PDCD4: variants seen among roughly 807,000 people sequenced by gnomAD.
The protein encoded by PDCD4 is programmed cell death protein 4.
A neutral mutation model predicts 54.0 loss-of-function variants in PDCD4; 56 were observed. The observed-to-expected ratio is 1.04, with a 90% confidence interval of 0.84 to 1.30. The LOEUF is 1.30. Among genes scored for constraint, PDCD4 ranks in the 50% most tolerant of loss-of-function variants. PDCD4 has a pLI of 0.00. For missense variants in PDCD4, 584 were observed against 559.8 expected (o/e 1.04, Z -0.44); for synonymous variants, 186 against 194.8 (o/e 0.95, Z 0.37).
chr10:110,896,761 A>G (rs1590739508), intron 11 of PDCD4, among the ~76,000 whole-genome samples: 1 of 152,196 alleles, frequency 6.6e-6, no homozygotes, highest in South Asian at 2.1e-4. Context: ...TCAGTTTTAT[A>G]TAATCTTAAG....
chr10:110,873,461 G>A (rs941616659), intron 1 of PDCD4, among the ~76,000 whole-genome samples: 1 of 152,198 alleles, frequency 6.6e-6, no homozygotes, highest in Non-Finnish European at 1.5e-5. Context: ...TGGGGGAGTG[G>A]AGGGTCTGTC....
At chr10:110,881,818 A>C (rs1845597542) in intron 3 of PDCD4, among the ~76,000 whole-genome samples, 1 of 152,150 alleles carries the variant, frequency 6.6e-6, no homozygotes, top group South Asian at 2.1e-4. Flanking sequence ...CACTGTTACG[A>C]GTTTTACGTA....
chr10:110,873,879 T>C (rs1286070924), intron 1 of PDCD4, among the ~76,000 whole-genome samples: 2 of 152,208 alleles, frequency 1.3e-5, no homozygotes, highest in African/African-American at 4.8e-5. Flanking sequence ...GAGATGATAG[T>C]CATTTCCTGA....
chr10:110,890,803 A>G (rs547571731), intron 8 of PDCD4, 133 bp downstream of exon 8: 6 of 457,824 alleles, frequency 1.3e-5, no homozygotes, highest in South Asian at 6.4e-5. Context: ...AAATGAAATA[A>G]TTTTTTTAAT....
At chr10:110,897,922 A>G (rs531907484) in intron 11 of PDCD4, 106 bp from the exon 12 acceptor site, 18 of 647,034 alleles carry the variant, frequency 2.8e-5, no homozygotes, top group African/African-American at 2.4e-4. Flanking sequence ...AAAACCCTTT[A>G]AAAGCTAACA....
Position 110,881,243 on chromosome 10 carries a change from C to T in PDCD4, c.54C>T (p.Asn18=). 1 of 1,611,078 alleles carries T rather than the reference C, an allele frequency of 6.2e-7. No homozygotes were observed. ...ATTTTTCTCTTTAAGATCCTGATAA[C>T]TTAAGTGACTCTCTCTTTTCCGGTG... ...ILNVNPADPD[N]LSDSLFSGDE... The change falls in exon 3 of 12, where the codon AAC becomes AAT. Residue 18 remains asparagine, a synonymous_variant. Coordinates refer to ENST00000280154, the MANE Select transcript of PDCD4 (RefSeq NM_014456.5).
intron 8 of PDCD4, among the ~76,000 whole-genome samples, chr10:110,892,675 C>A (rs1387916542): frequency 6.6e-6 from 1 of 152,120 alleles, no homozygotes; most frequent in Non-Finnish European, 1.5e-5. Flanking sequence ...TGAAAAATTC[C>A]TATCGTTGAG....
chr10:110,884,695 G>A (rs1845642196), intron 4 of PDCD4: 1 of 151,976 alleles, frequency 6.6e-6, no homozygotes, highest in Non-Finnish European at 1.5e-5. Context: ...TGGGGGTTGG[G>A]AGCAAATTAT....
At chr10:110,897,597 A>AT (rs900983553) in intron 11 of PDCD4, among the ~76,000 whole-genome samples, 11 of 151,562 alleles carry the variant, frequency 7.3e-5, no homozygotes, top group Admixed American at 1.3e-4. Context: ...TTGATAAAAC[A>AT]TTTTTTTTTA....
chr10:110,899,491 G>A lies in PDCD4; in HGVS notation c.*1403G>A, dbSNP rs1290877178. 1.3e-5 allele frequency: 2 copies of A among 152,110 alleles called. No individual in the cohort carries two copies. The highest frequency in any genetic ancestry group is 4.8e-5 in the African/African-American group (2 of 41,420). The allele number at this position is 152,110 out of a possible 1,614,324, so 9.4% of individuals were successfully genotyped here. ...GCTTAGCTGACTACAGAATAGGTGA[G>A]GGTTTCTTAAAAATGAGATTTAAGG... is the stretch of plus-strand genomic sequence containing the variant. On this transcript the variant is annotated 3_prime_UTR_variant, in exon 12 of 12. Transcript: ENST00000280154.
intron 11 of PDCD4, among the ~76,000 whole-genome samples, chr10:110,897,500 T>C (rs549621772): frequency 6.6e-6 from 1 of 152,360 alleles, no homozygotes; most frequent in South Asian, 2.1e-4. Context: ...GCAGGGCTTC[T>C]TGAGTTTGAC....
chr10:110,885,918 T>C (rs922678999), intron 5 of PDCD4, among the ~76,000 whole-genome samples: 9 of 152,160 alleles, frequency 5.9e-5, no homozygotes, highest in African/African-American at 2.2e-4. Context: ...AATAAAACCA[T>C]TGGTCTAGTT....
In PDCD4 at chr10:110,887,761, A is replaced by T. The variant is rs756620076; in HGVS notation, c.652A>T (p.Met218Leu). Residue 218 changes from methionine to leucine, a missense_variant, in exon 6 of 12, where the codon ATG becomes TTG. Met to Leu is a conservative substitution (Grantham distance 15). Transcript: ENST00000280154. ...GGAGGGGAAGGCTAGTCATAGAGAGATGACATCTAAGCTTCTTTCTGACCT... is the reference window on the plus strand; with the variant it reads ...GGAGGGGAAGGCTAGTCATAGAGAGTTGACATCTAAGCTTCTTTCTGACCT... ...ALEGKASHREMTSKLLSDLCG... is the reference protein window; with the variant it reads ...ALEGKASHRELTSKLLSDLCG... 12 of 1,613,118 alleles carry T rather than the reference A, an allele frequency of 7.4e-6. No homozygotes were observed. Among genetic ancestry groups the T allele is most frequent in the Non-Finnish European group, 1.0e-5 (12 of 1,179,242 alleles).
intron 2 of PDCD4, 65 bp from the exon 3 acceptor site, chr10:110,881,168 C>G (rs988213232): frequency 8.4e-6 from 10 of 1,194,606 alleles, no homozygotes; most frequent in Admixed American, 6.2e-5. Flanking sequence ...TAACTTACCA[C>G]TATATCTATA....
intron 1 of PDCD4, among the ~76,000 whole-genome samples, chr10:110,874,512 C>G (rs898101528): frequency 6.6e-6 from 1 of 152,118 alleles, no homozygotes; most frequent in African/African-American, 2.4e-5. Flanking sequence ...TGAATCTCTA[C>G]ATATTTTTAA....
intron 5 of PDCD4, 46 bp downstream of exon 5, chr10:110,885,412 G>GCTT: frequency 3.6e-6 from 3 of 836,376 alleles, no homozygotes; most frequent in Non-Finnish European, 5.8e-6. Flanking sequence ...TAGGAGAGAA[G>GCTT]ACATCTTTTA....
chr10:110,885,772 A>G (rs1383640157), intron 5 of PDCD4, among the ~76,000 whole-genome samples: 1 of 151,968 alleles, frequency 6.6e-6, no homozygotes, highest in Non-Finnish European at 1.5e-5. Context: ...CATTTATTTC[A>G]CGTATGTTCA....
chr10:110,881,195 A>C (rs760786272), intron 2 of PDCD4, 38 bp from the exon 3 acceptor site: 4 of 1,501,666 alleles, frequency 2.7e-6, no homozygotes, highest in Admixed American at 3.7e-5. Context: ...TAGATACTTA[A>C]AATACTTAGA....
Position 110,894,439 on chromosome 10 carries a change from G to A in PDCD4, c.1126G>A (p.Gly376Arg). Reference sequence around the variant, plus strand: ...TATTATAATGGTTTTAGAGTCAACTGGAGAAAGTACATTTAAGATGATTTT... The same window carrying A: ...TATTATAATGGTTTTAGAGTCAACTAGAGAAAGTACATTTAAGATGATTTT... ...EAIIMVLEST[G>R]ESTFKMILDL... Residue 376 changes from glycine (G) to arginine (R), a missense_variant, in exon 10 of 12, where the codon GGA (glycine) becomes AGA (arginine). Gly to Arg is a moderately radical substitution (Grantham distance 125). Coordinates refer to ENST00000280154, the MANE Select transcript of PDCD4 (RefSeq NM_014456.5). 6.4e-7 allele frequency: 1 copy of A among 1,570,250 alleles called. No homozygotes were observed. The highest frequency in any genetic ancestry group is 1.1e-5 in the South Asian group (1 of 89,992).
Sources: gnomAD v4.1 joint callset for allele counts (sites outside exome capture counted in the v4.1 genomes callset) on GRCh38, gnomAD v4.1.1 for gene constraint, MANE v1.5 for transcripts, NCBI Gene and HGNC (gene_info 2026-07-23, HGNC 2026-07-21) for gene names.